LONRF1: variants seen among roughly 807,000 people sequenced by gnomAD.
LONRF1 encodes LON peptidase N-terminal domain and RING finger protein 1.
LONRF1 carries 37 observed loss-of-function variants against 85.8 expected under a neutral mutation model. The observed-to-expected ratio is 0.43, with a 90% confidence interval of 0.33 to 0.57. The LOEUF is 0.57. Ranked by LOEUF, LONRF1 falls within the 20% of genes least tolerant of loss-of-function variation. The pLI is 0.04. For synonymous variants in LONRF1, 517 were observed against 390.1 expected (o/e 1.33, Z -3.83); for missense variants, 1,036 against 978.0 (o/e 1.06, Z -0.79).
intron 8 of LONRF1, among the ~76,000 whole-genome samples, chr8:12,730,838 G>C: frequency 1.3e-5 from 2 of 152,162 alleles, no homozygotes; most frequent in East Asian, 1.9e-4. Context: ...TGTTGATAAA[G>C]GAGTCTACAA....
At chr8:12,749,363 A>C (rs1799289081) in intron 1 of LONRF1, among the ~76,000 whole-genome samples, 1 of 152,188 alleles carries the variant, frequency 6.6e-6, no homozygotes, top group Admixed American at 6.5e-5. Context: ...GGAAAGAAAA[A>C]ACCAAACAGA....
chr8:12,723,172 GACAAA>G lies in LONRF1; in HGVS notation c.2241_2245del (p.Leu748AsnfsTer20). 1 of 1,614,092 alleles carries G rather than the reference GACAAA, an allele frequency of 6.2e-7. No individual in the cohort carries two copies. The highest frequency in any genetic ancestry group is 8.5e-7 in the Non-Finnish European group (1 of 1,180,002). On this transcript the variant is annotated frameshift_variant, in exon 12 of 12. Transcript: ENST00000398246. LOFTEE classifies it high-confidence loss of function. ...CAACCGTTCTTTCAAAGACTTCATTGACAAAACCGACAGCTGGTATCGTGGGTCTA... is the reference window on the plus strand; with the variant it reads ...CAACCGTTCTTTCAAAGACTTCATTGACCGACAGCTGGTATCGTGGGTCTA...
intron 6 of LONRF1, among the ~76,000 whole-genome samples, chr8:12,736,227 A>G (rs1798710154): frequency 1.3e-5 from 2 of 152,210 alleles, no homozygotes; most frequent in Non-Finnish European, 2.9e-5. Context: ...TTAGTCTTTT[A>G]GAATTATAGC....
At chr8:12,725,404 G>C (rs1162971202) in intron 11 of LONRF1, among the ~76,000 whole-genome samples, 1 of 152,160 alleles carries the variant, frequency 6.6e-6, no homozygotes, top group Non-Finnish European at 1.5e-5. Context: ...TTGTCCCACA[G>C]TCACAGTTTC....
chr8:12,755,483 G>T lies in LONRF1; in HGVS notation c.-63C>A. The T allele has an allele frequency of 1.1e-6, 1 of 922,006 alleles. No individual in the cohort carries two copies. Among genetic ancestry groups the T allele is most frequent in the African/African-American group, 1.8e-5 (1 of 55,898 alleles). The allele number at this position is 922,006 out of a possible 1,614,324, so 57.1% of individuals were successfully genotyped here. A position where few individuals can be genotyped will look rare whatever the true frequency, so the allele number is the denominator to read the frequency against. On this transcript the variant is annotated 5_prime_UTR_variant, in exon 1 of 12. Coordinates refer to ENST00000398246, the MANE Select transcript of LONRF1 (RefSeq NM_152271.5). ...CGGTCCCGGAGCCTCCCGGGCGCGC[G>T]GCTCCGCACGCGGCCCGCGAGCAGG...
chr8:12,742,641 T>C (rs1394538840), intron 2 of LONRF1, among the ~76,000 whole-genome samples: 1 of 152,218 alleles, frequency 6.6e-6, no homozygotes, highest in African/African-American at 2.4e-5. Context: ...AAGTCTTTTT[T>C]TTTCCTGTAC....
rs889473538 is a variant in LONRF1 at position 12,754,686 on chromosome 8, C to G, written c.721+14G>C. On this transcript the variant is annotated intron_variant, in intron 1 of 11. Coordinates refer to ENST00000398246, the MANE Select transcript of LONRF1 (RefSeq NM_152271.5). Reference sequence around the variant, plus strand: ...TGCGGTCGGCCCGGCCCCGCCGCATCCCCGCGCGGTCACCTGCTCGCAGCG... The same window carrying G: ...TGCGGTCGGCCCGGCCCCGCCGCATGCCCGCGCGGTCACCTGCTCGCAGCG... The G allele has an allele frequency of 1.5e-6, 2 of 1,334,754 alleles. No individual in the cohort carries two copies. The highest frequency in any genetic ancestry group is 1.9e-6 in the Non-Finnish European group (2 of 1,052,792). 82.7% of individuals were successfully genotyped at this position (1,334,754 alleles called of 1,614,324 possible).
intron 1 of LONRF1, among the ~76,000 whole-genome samples, chr8:12,749,288 C>G (rs973964928): frequency 1.3e-5 from 2 of 152,040 alleles, no homozygotes; most frequent in African/African-American, 4.8e-5. Flanking sequence ...ATCAGGAGAG[C>G]AGACTGGACA....
intron 2 of LONRF1, 128 bp from the exon 3 acceptor site, chr8:12,741,124 C>T (rs1420988553): frequency 5.4e-6 from 5 of 929,870 alleles, no homozygotes; most frequent in African/African-American, 5.0e-5. Context: ...TAGCTCACGC[C>T]TGTAATCCCA....
chr8:12,744,861 C>T (rs1799082740), intron 1 of LONRF1, among the ~76,000 whole-genome samples: 1 of 124,114 alleles, frequency 8.1e-6, no homozygotes. Context: ...ACAAGCAGCC[C>T]ATTCTTGGAT....
intron 1 of LONRF1, 91 bp downstream of exon 1, chr8:12,754,609 A>G: frequency 8.2e-7 from 1 of 1,216,490 alleles, no homozygotes; most frequent in Non-Finnish European, 1.0e-6. Flanking sequence ...AGCAGAGGAG[A>G]CTCTCGGGGC....
rs117207227 is a variant in LONRF1, at chr8:12,734,773, T to C, written c.1566+513A>G. 1.8e-3 allele frequency among the ~76,000 whole-genome samples: 267 copies of C among 152,314 alleles called. 1 individual carries two copies. Among genetic ancestry groups the C allele is most frequent in the East Asian group, 0.017 (86 of 5,190 alleles). On this transcript the variant is annotated intron_variant, in intron 7 of 11. Coordinates refer to ENST00000398246, the MANE Select transcript of LONRF1 (RefSeq NM_152271.5). ...AATTTAAGTTAATAAAATGTAAATA[T>C]AGTTCCTCAGTGACACTAACCATAT...
At chr8:12,747,052 C>T (rs535870566) in intron 1 of LONRF1, among the ~76,000 whole-genome samples, 38 of 152,288 alleles carry the variant, frequency 2.5e-4, no homozygotes, top group African/African-American at 8.9e-4. Context: ...TGCCTTTTAT[C>T]CTCAGATCCT....
intron 2 of LONRF1, among the ~76,000 whole-genome samples, chr8:12,741,199 C>A (rs1436052520): frequency 1.3e-5 from 2 of 152,126 alleles, no homozygotes; most frequent in Non-Finnish European, 2.9e-5. Flanking sequence ...GTCTGGTCAA[C>A]ATGGTGAAAC....
chr8:12,736,709 G>C lies in LONRF1; in HGVS notation c.1443C>G (p.Leu481=), dbSNP rs772366282. The C allele has an allele frequency of 4.3e-5, 69 of 1,606,434 alleles. No individual in the cohort carries two copies. The highest frequency in any genetic ancestry group is 1.7e-4 in the Middle Eastern group (1 of 5,966). Residue 481 remains leucine, a synonymous_variant, in exon 6 of 12, where the codon CTC becomes CTG. Coordinates refer to ENST00000398246, the MANE Select transcript of LONRF1 (RefSeq NM_152271.5). ...AAGTTTTATATGCTTACCTCATGCAGAGAGAACACTCGAAATCTGAGACAT... is the reference window on the plus strand; with the variant it reads ...AAGTTTTATATGCTTACCTCATGCACAGAGAACACTCGAAATCTGAGACAT... ...LIDVSDFECS[L]CMRLFFEPVT...
chr8:12,729,696 C>T (rs993993089), intron 8 of LONRF1, among the ~76,000 whole-genome samples: 1 of 151,954 alleles, frequency 6.6e-6, no homozygotes, highest in Admixed American at 6.6e-5. Context: ...ACAATAAATA[C>T]CTTTTATCCC....
In LONRF1 at chr8:12,754,910, C is replaced by G; in HGVS notation, c.511G>C (p.Asp171His). Residue 171 changes from aspartate (D) to histidine (H), a missense_variant, in exon 1 of 12, where the codon GAT (aspartate) becomes CAT (histidine). Around this residue, in one of 3 missense-constraint regions of LONRF1, gnomAD observed 742 missense variants for 614.4 expected, o/e 1.21. Coordinates refer to ENST00000398246, the MANE Select transcript of LONRF1 (RefSeq NM_152271.5). ...GGCCGCGGGGCGGTCCCTTCAGCATCAGTGGCACTGGCGGTGGCGGGCGGC... is the reference window on the plus strand; with the variant it reads ...GGCCGCGGGGCGGTCCCTTCAGCATGAGTGGCACTGGCGGTGGCGGGCGGC... ...RLPPATASAT[D>H]AEGTAPRPPP... 1.1e-5 allele frequency: 16 copies of G among 1,492,126 alleles called. No homozygotes were observed. Among genetic ancestry groups the G allele is most frequent in the Non-Finnish European group, 1.3e-5 (15 of 1,124,982 alleles). The allele number at this position is 1,492,126 out of a possible 1,614,324, so 92.4% of individuals were successfully genotyped here.
chr8:12,753,029 G>A (rs1799472066), intron 1 of LONRF1: 1 of 152,178 alleles, frequency 6.6e-6, no homozygotes, highest in Non-Finnish European at 1.5e-5. Context: ...ATCACACCAT[G>A]GTCAGTTACT....
intron 3 of LONRF1, among the ~76,000 whole-genome samples, chr8:12,739,700 T>TC (rs1315597380): frequency 2.6e-5 from 4 of 152,200 alleles, no homozygotes; most frequent in Non-Finnish European, 5.9e-5. Flanking sequence ...ATCTACCTGA[T>TC]CCTATTAACC....
Sources: allele counts gnomAD v4.1 joint callset (sites outside exome capture counted in the v4.1 genomes callset), GRCh38; gene constraint gnomAD v4.1.1; regional missense constraint gnomAD v4.1.1; transcripts MANE v1.5; gene names NCBI Gene and HGNC (gene_info 2026-07-23, HGNC 2026-07-21).